Variants in ADGRL4 observed in about 807,000 individuals in gnomAD.
ADGRL4 encodes adhesion G protein-coupled receptor L4.
In ADGRL4, 90 loss-of-function variants were observed where a neutral mutation model predicts 74.8. The observed-to-expected ratio is 1.20, with a 90% CI of 1.02 to 1.43. ADGRL4 has a LOEUF of 1.43. ADGRL4 is among the 40% of genes most tolerant of loss of function. ADGRL4 has a pLI of 0.00. For synonymous variants in ADGRL4, 311 were observed against 279.2 expected (o/e 1.11, Z -1.14); for missense variants, 881 against 814.3 (o/e 1.08, Z -1.00).
In ADGRL4 at chr1:78,997,024, C is replaced by T. The variant is rs528060221; in HGVS notation, c.172+8046G>A. On this transcript the variant is annotated intron_variant, in intron 2 of 14. Coordinates refer to ENST00000370742, the MANE Select transcript of ADGRL4 (RefSeq NM_022159.4). ...TGCAACAATGATTAGCAGGTATGGA[C>T]TCCATTACTGCATTAATGACATTTC... is the stretch of plus-strand genomic sequence containing the variant. Among the ~76,000 whole-genome samples the T allele has an allele frequency of 6.6e-5, 10 of 152,238 alleles. No homozygotes were observed. The South Asian group carries it at 2.1e-3, about 32-fold the overall frequency.
In ADGRL4 at chr1:78,952,935, G is replaced by C. The variant is rs941943977; in HGVS notation, c.173-6509C>G. On this transcript the variant is annotated intron_variant, in intron 2 of 14. Transcript: ENST00000370742. ...AAAAAAAACAAACAATACTTGTATA[G>C]AATGGTCTCTGTTTCTGTTTACACT... 6.6e-5 allele frequency among the ~76,000 whole-genome samples: 10 copies of C among 152,198 alleles called. No homozygotes were observed. The Middle Eastern group carries it at 0.01, about 155-fold the overall frequency.
At chr1:78,969,960 A>T (rs1292753633) in intron 2 of ADGRL4, among the ~76,000 whole-genome samples, 1 of 152,170 alleles carries the variant, frequency 6.6e-6, no homozygotes. Flanking sequence ...GATGGGAATA[A>T]ATAGAATGCT....
At chr1:78,903,934 AAAATAAATAAATAAATAAATAAAT>A (rs141234701) in intron 12 of ADGRL4, among the ~76,000 whole-genome samples, 2,458 of 141,588 alleles carry the variant, frequency 0.017, 89 homozygotes, top group African/African-American at 0.061. Flanking sequence ...GACTCCATAT[AAAATAAATAAATAAATAAATAAAT>A]AAATAAATAA....
At chr1:78,923,965 A>T (rs1429875304) in intron 8 of ADGRL4, among the ~76,000 whole-genome samples, 1 of 151,904 alleles carries the variant, frequency 6.6e-6, no homozygotes, top group Non-Finnish European at 1.5e-5. Flanking sequence ...TTTCAGACTG[A>T]AAAGACTCAC....
At chr1:78,935,439 G>C (rs900782661) in intron 7 of ADGRL4, among the ~76,000 whole-genome samples, 3 of 151,390 alleles carry the variant, frequency 2.0e-5, no homozygotes, top group Admixed American at 6.6e-5. Context: ...TTAGAGGACT[G>C]GGTCAATAGC....
At position 78,921,752 on chromosome 1, in the gene ADGRL4, C is replaced by A; in HGVS notation, c.1118G>T (p.Trp373Leu). ...ATTCATGGTATCAGGTGAGTAATTCCAAAATGCACATAGACTCCTATACCT... is the reference window on the plus strand; with the variant it reads ...ATTCATGGTATCAGGTGAGTAATTCAAAAATGCACATAGACTCCTATACCT... ...TDRYRSLCAF[W>L]NYSPDTMNGS... Residue 373 changes from tryptophan to leucine, a missense_variant, in exon 9 of 15, where the codon TGG (tryptophan) becomes TTG (leucine). Coordinates refer to ENST00000370742, the MANE Select transcript of ADGRL4 (RefSeq NM_022159.4). 1 of 1,595,180 alleles carries A rather than the reference C, an allele frequency of 6.3e-7. No individual in the cohort carries two copies. Among genetic ancestry groups the A allele is most frequent in the South Asian group, 1.1e-5 (1 of 88,534 alleles).
Position 78,999,843 on chromosome 1 carries a change from C to CTAT in ADGRL4, c.172+5226_172+5227insATA, listed in dbSNP as rs1553140940. 2.0e-3 allele frequency among the ~76,000 whole-genome samples: 243 copies of CTAT among 119,682 alleles called. 1 individual carries two copies. Among genetic ancestry groups the CTAT allele is most frequent in the Middle Eastern group, 8.6e-3 (2 of 232 alleles). 78.5% of individuals were successfully genotyped at this position (119,682 alleles called of 152,430 possible). ...ATCTATCTATCTATCTATCTATCTA[C>CTAT]CTACCTACCTACCTATCAACTTTAT... On this transcript the variant is annotated intron_variant, in intron 2 of 14. Coordinates refer to ENST00000370742, the MANE Select transcript of ADGRL4 (RefSeq NM_022159.4).
At chr1:78,998,292 T>C (rs1207978265) in intron 2 of ADGRL4, among the ~76,000 whole-genome samples, 2 of 151,734 alleles carry the variant, frequency 1.3e-5, no homozygotes, top group Admixed American at 6.6e-5. Flanking sequence ...TGATGGAGAT[T>C]GATGAACAGG....
rs1433806872 is a variant in ADGRL4 at position 78,889,816 on chromosome 1, C to G, written c.*1338G>C. 3 of 461,356 alleles carry G rather than the reference C, an allele frequency of 6.5e-6. No individual in the cohort carries two copies. The Admixed American group carries it at 7.3e-5, about 11-fold the overall frequency. The allele number at this position is 461,356 out of a possible 1,614,324, so 28.6% of individuals were successfully genotyped here. A position where few individuals can be genotyped will look rare whatever the true frequency, so the allele number is the denominator to read the frequency against. The stretch of plus-strand genomic sequence containing the variant: ...GAGCAAGATTTGGCAGACTTCATTT[C>G]AACAGCTGGAGGAATTAATTTAAAA... On this transcript the variant is annotated 3_prime_UTR_variant, in exon 15 of 15. Transcript: ENST00000370742.
chr1:78,944,375 C>T (rs1027363662), intron 3 of ADGRL4, among the ~76,000 whole-genome samples: 3 of 152,098 alleles, frequency 2.0e-5, no homozygotes, highest in African/African-American at 7.2e-5. Flanking sequence ...GTAAAAAGCA[C>T]ATTATATGAC....
chr1:78,931,763 A>G (rs1649247194), intron 7 of ADGRL4, among the ~76,000 whole-genome samples: 1 of 151,430 alleles, frequency 6.6e-6, no homozygotes, highest in Admixed American at 6.6e-5. Context: ...AAAGAAAAAA[A>G]AAGCAGGAGT....
Position 78,946,393 on chromosome 1 carries a change from C to T in ADGRL4, c.206G>A (p.Cys69Tyr). Residue 69 changes from cysteine (C) to tyrosine (Y), a missense_variant, in exon 3 of 15, where the codon TGT becomes TAT. Transcript: ENST00000370742. ...DNECGNLTQS[C>Y]GENANCTNTE... The stretch of plus-strand genomic sequence containing the variant: ...GTTAGTGCAATTAGCATTTTCGCCA[C>T]AGGACTGAGTTAAATTTCCACATTC... The T allele has an allele frequency of 6.2e-7, 1 of 1,612,448 alleles. No individual in the cohort carries two copies.
At chr1:78,891,853 A>T (rs1182743442) in intron 13 of ADGRL4, among the ~76,000 whole-genome samples, 161 bp from the exon 14 acceptor site, 2 of 152,186 alleles carry the variant, frequency 1.3e-5, no homozygotes, top group Non-Finnish European at 2.9e-5. Flanking sequence ...TGCTGCAGTT[A>T]GGTGTGACAG....
intron 12 of ADGRL4, among the ~76,000 whole-genome samples, chr1:78,902,446 T>C (rs1648539926): frequency 1.3e-5 from 2 of 152,154 alleles, no homozygotes; most frequent in African/African-American, 4.8e-5. Context: ...TTGTTTCACA[T>C]TTATGGCAAC....
At chr1:78,957,943 A>C (rs1028488197) in intron 2 of ADGRL4, among the ~76,000 whole-genome samples, 3 of 152,184 alleles carry the variant, frequency 2.0e-5, no homozygotes. Flanking sequence ...AGTTGATGCC[A>C]GTGCTCATTT....
At chr1:78,998,882 G>A (rs1191533252) in intron 2 of ADGRL4, among the ~76,000 whole-genome samples, 2 of 151,972 alleles carry the variant, frequency 1.3e-5, no homozygotes, top group Non-Finnish European at 2.9e-5. Context: ...TATAAATTGG[G>A]GATAACACCA....
chr1:78,970,550 C>A (rs1650147915), intron 2 of ADGRL4, among the ~76,000 whole-genome samples: 1 of 152,138 alleles, frequency 6.6e-6, no homozygotes, highest in Non-Finnish European at 1.5e-5. Flanking sequence ...CTCAGGAATG[C>A]AAGGACAGAA....
chr1:78,933,015 G>A (rs111573100), intron 7 of ADGRL4, among the ~76,000 whole-genome samples: 4,610 of 151,348 alleles, frequency 0.03, 141 homozygotes, highest in South Asian at 0.053. Context: ...AAGAGCTGGT[G>A]TTATTCCTTT....
At chr1:78,959,367 A>C (rs899198652) in intron 2 of ADGRL4, among the ~76,000 whole-genome samples, 16 of 152,224 alleles carry the variant, frequency 1.1e-4, no homozygotes, top group African/African-American at 3.6e-4. Context: ...TAGAAACTGC[A>C]ATCAGTTTTT....
Sources: gnomAD v4.1 joint callset for allele counts (sites outside exome capture counted in the v4.1 genomes callset) on GRCh38, gnomAD v4.1.1 for gene constraint, MANE v1.5 for transcripts, NCBI Gene and HGNC (gene_info 2026-07-23, HGNC 2026-07-21) for gene names.